The following HTRA1 variants were observed in gnomAD, a reference collection of about 807,000 sequenced individuals.
The protein encoded by HTRA1 is HtrA serine peptidase 1.
In HTRA1, 26 loss-of-function variants were observed where a neutral mutation model predicts 49.7. The observed-to-expected ratio is 0.52, with a 90% CI of 0.38 to 0.73. The LOEUF is 0.73. Among genes scored for constraint, HTRA1 ranks in the 30% least tolerant of loss-of-function variants. HTRA1 has a pLI of 0.00. For missense variants in HTRA1, 561 were observed against 667.2 expected (o/e 0.84, Z 1.75); for synonymous variants, 291 against 286.9 (o/e 1.01, Z -0.14).
intron 7 of HTRA1, 125 bp from the exon 8 acceptor site, chr10:122,511,845 C>G: frequency 1.4e-6 from 1 of 706,188 alleles, no homozygotes; most frequent in East Asian, 2.7e-5. Context: ...AAAATAGGAT[C>G]AGAATTCCTG....
chr10:122,471,036 C>A (rs1036489754), intron 1 of HTRA1, among the ~76,000 whole-genome samples: 2 of 152,148 alleles, frequency 1.3e-5, no homozygotes, highest in African/African-American at 2.4e-5. Flanking sequence ...TTATACCAAG[C>A]AAACAGCCGT....
chr10:122,508,715 C>T lies in HTRA1; in HGVS notation c.1065C>T (p.Ile355=), dbSNP rs371612872. 216 of 1,613,888 alleles carry T rather than the reference C, an allele frequency of 1.3e-4. No individual in the cohort carries two copies. Among genetic ancestry groups the T allele is most frequent in the Admixed American group, 8.7e-4 (52 of 60,006 alleles). Residue 355 remains isoleucine, a synonymous_variant, in exon 6 of 9, where the codon ATC becomes ATT. Transcript: ENST00000368984. ...LKVTAGISFA[I]PSDKIKKFLT... ...TGACAGCTGGAATCTCCTTTGCAAT[C>T]CCATCTGATAAGATTAAAAAGTTCC...
At chr10:122,462,733 T>C (rs552532950) in intron 1 of HTRA1, among the ~76,000 whole-genome samples, 1 of 152,246 alleles carries the variant, frequency 6.6e-6, no homozygotes, top group African/African-American at 2.4e-5. Context: ...CGTTGCTGCC[T>C]GTCTTGCTTT....
intron 5 of HTRA1, among the ~76,000 whole-genome samples, chr10:122,508,184 G>A (rs897549872): frequency 1.3e-5 from 2 of 152,142 alleles, no homozygotes; most frequent in Non-Finnish European, 2.9e-5. Flanking sequence ...CTGCCTCCCC[G>A]CGCAGCACTT....
intron 1 of HTRA1, among the ~76,000 whole-genome samples, chr10:122,462,839 G>A (rs913433772): frequency 1.3e-5 from 2 of 152,242 alleles, no homozygotes; most frequent in Non-Finnish European, 2.9e-5. Context: ...GCGGAGAAGG[G>A]ACCGGGTTAG....
At position 122,494,500 on chromosome 10, in the gene HTRA1, A is replaced by G. The variant is rs2097497605; in HGVS notation, c.777+4874A>G. On this transcript the variant is annotated intron_variant, in intron 3 of 8. Transcript: ENST00000368984. This position sits in a 1 kb window ranked among gnomAD's most constrained non-coding sequence, Gnocchi z 4.0. ...GTCCTGTCAGGGCTACAGCAGGTCT[A>G]TGGTCTTTGGTAACGGAAAGCGCTG... Among the ~76,000 whole-genome samples, 1 of 152,178 alleles carries G rather than the reference A, an allele frequency of 6.6e-6. No individual in the cohort carries two copies. The highest frequency in any genetic ancestry group is 1.5e-5 in the Non-Finnish European group (1 of 68,024).
At chr10:122,468,712 A>T (rs2097484860) in intron 1 of HTRA1, among the ~76,000 whole-genome samples, 1 of 152,212 alleles carries the variant, frequency 6.6e-6, no homozygotes, top group Non-Finnish European at 1.5e-5. Flanking sequence ...CTTCTCTTGA[A>T]TTAAGAGCTG....
chr10:122,468,482 G>A (rs747716480), intron 1 of HTRA1, among the ~76,000 whole-genome samples: 1 of 150,478 alleles, frequency 6.6e-6, no homozygotes, highest in Non-Finnish European at 1.5e-5. Context: ...TGTGGGAGGA[G>A]TGCTGGGACA....
chr10:122,514,477 C>A lies in HTRA1; in HGVS notation c.*118C>A. 2 of 962,914 alleles carry A rather than the reference C, an allele frequency of 2.1e-6. No individual in the cohort carries two copies. Among genetic ancestry groups the A allele is most frequent in the East Asian group, 2.4e-5 (1 of 41,012 alleles). The allele number at this position is 962,914 out of a possible 1,614,324, so 59.6% of individuals were successfully genotyped here. On this transcript the variant is annotated 3_prime_UTR_variant, in exon 9 of 9. Transcript: ENST00000368984. ...ACTTTTGACTGCCATTTTGTTTGTTCAGTGGAGACTCCCTGGCCAACAGAA... is the reference window on the plus strand; with the variant it reads ...ACTTTTGACTGCCATTTTGTTTGTTAAGTGGAGACTCCCTGGCCAACAGAA...
chr10:122,506,018 T>C lies in HTRA1; in HGVS notation c.778-673T>C, dbSNP rs2097502880. Among the ~76,000 whole-genome samples, 1 of 151,490 alleles carries C rather than the reference T, an allele frequency of 6.6e-6. No homozygotes were observed. Among genetic ancestry groups the C allele is most frequent in the African/African-American group, 2.4e-5 (1 of 41,218 alleles). ...GATCAGGGCTTCTGGAGTTGGCCAA[T>C]TAGCCTGCCCAGACCAGGAAGCACA... On this transcript the variant is annotated intron_variant, in intron 3 of 8. Coordinates refer to ENST00000368984, the MANE Select transcript of HTRA1 (RefSeq NM_002775.5). The surrounding 1 kb of genome is among the most constrained non-coding windows in gnomAD (Gnocchi z 5.2).
At chr10:122,511,620 C>G (rs978570399) in intron 7 of HTRA1, among the ~76,000 whole-genome samples, 2 of 151,736 alleles carry the variant, frequency 1.3e-5, no homozygotes, top group Non-Finnish European at 1.5e-5. Context: ...GTAATCCCAG[C>G]TACTCGGGTG....
intron 1 of HTRA1, among the ~76,000 whole-genome samples, chr10:122,465,009 G>A (rs1473226626): frequency 6.6e-6 from 1 of 152,212 alleles, no homozygotes; most frequent in Non-Finnish European, 1.5e-5. Context: ...CAGGGGATGA[G>A]AGGTAGAAAT....
chr10:122,472,963 C>T (rs2097486810), intron 1 of HTRA1, among the ~76,000 whole-genome samples: 1 of 152,162 alleles, frequency 6.6e-6, no homozygotes, highest in African/African-American at 2.4e-5. Flanking sequence ...GCCATCAGCT[C>T]TAGAATTTCA....
intron 3 of HTRA1, among the ~76,000 whole-genome samples, chr10:122,497,586 C>A (rs1448012006): frequency 6.6e-6 from 1 of 152,134 alleles, no homozygotes; most frequent in South Asian, 2.1e-4. Context: ...GAGATACAAG[C>A]TGTTCCCTTT....
chr10:122,470,578 C>T (rs943895938), intron 1 of HTRA1, among the ~76,000 whole-genome samples: 2 of 151,690 alleles, frequency 1.3e-5, no homozygotes, highest in African/African-American at 4.9e-5. Context: ...AATCCTAAAG[C>T]ATTGAAGTCC....
At chr10:122,480,693 G>A (rs1385608946) in intron 1 of HTRA1, among the ~76,000 whole-genome samples, 1 of 152,070 alleles carries the variant, frequency 6.6e-6, no homozygotes, top group Admixed American at 6.5e-5. Context: ...GGAGGTGGTG[G>A]GAGGACAAGG....
chr10:122,492,994 A>G (rs2097496654), intron 3 of HTRA1, among the ~76,000 whole-genome samples: 1 of 152,098 alleles, frequency 6.6e-6, no homozygotes, highest in Non-Finnish European at 1.5e-5. Context: ...TTTTCCTCCC[A>G]TTCTTGGAGC....
chr10:122,489,722 G>A (rs968017117), intron 3 of HTRA1, 96 bp downstream of exon 3: 1 of 1,178,664 alleles, frequency 8.5e-7, no homozygotes, highest in Admixed American at 2.0e-5. Flanking sequence ...TGATTCTCGG[G>A]GGGCACTGAA....
At chr10:122,500,010 A>T (rs1269609678) in intron 3 of HTRA1, among the ~76,000 whole-genome samples, 1 of 152,200 alleles carries the variant, frequency 6.6e-6, no homozygotes, top group East Asian at 1.9e-4. Context: ...GACTTGGCTT[A>T]TTAGGTTGAA....
Sources: gnomAD v4.1 joint callset for allele counts (sites outside exome capture counted in the v4.1 genomes callset) on GRCh38, gnomAD v4.1.1 for gene constraint, Gnocchi (gnomAD v3.1) non-coding constraint, MANE v1.5 for transcripts, NCBI Gene and HGNC (gene_info 2026-07-23, HGNC 2026-07-21) for gene names.